SLC39A11: variants seen among roughly 807,000 people sequenced by gnomAD.
The protein encoded by SLC39A11 is zinc transporter ZIP11.
Under a neutral mutation model 36.1 loss-of-function variants are expected in SLC39A11, and 33 were observed. That is an observed-to-expected ratio of 0.91 (90% CI 0.69 to 1.22). The LOEUF is 1.22. Ranked by LOEUF, SLC39A11 falls within the 50% of genes most tolerant of loss-of-function variation. The probability of loss-of-function intolerance (pLI) is 0.00; values close to 1 mark genes in which losing one functional copy is unlikely to be tolerated. For synonymous variants in SLC39A11, 166 were observed against 170.3 expected (o/e 0.97, Z 0.20); for missense variants, 432 against 430.3 (o/e 1.00, Z -0.03).
intron 5 of SLC39A11, among the ~76,000 whole-genome samples, chr17:72,939,255 G>A (rs2084946712): frequency 6.6e-6 from 1 of 152,200 alleles, no homozygotes; most frequent in Non-Finnish European, 1.5e-5. Flanking sequence ...GAGGTCAGGA[G>A]TTCGAAACCA....
chr17:72,865,744 T>C (rs1646032546), intron 5 of SLC39A11, among the ~76,000 whole-genome samples: 1 of 151,308 alleles, frequency 6.6e-6, no homozygotes, highest in Non-Finnish European at 1.5e-5. Flanking sequence ...AGAACCTTTG[T>C]GTAATAGCTC....
At chr17:73,079,576 GA>G (rs2060447132) in intron 3 of SLC39A11, among the ~76,000 whole-genome samples, 3 of 152,240 alleles carry the variant, frequency 2.0e-5, no homozygotes, top group Admixed American at 1.3e-4. Context: ...TTCCCCCTGG[GA>G]AATGGAACAA....
chr17:72,806,450 C>G (rs10512590), intron 6 of SLC39A11, among the ~76,000 whole-genome samples: 8,422 of 152,228 alleles, frequency 0.055, 411 homozygotes, highest in East Asian at 0.14. Flanking sequence ...GAAGCTCTAA[C>G]GATAGCATTC....
chr17:72,804,071 C>T (rs2077179155), intron 6 of SLC39A11, among the ~76,000 whole-genome samples: 2 of 152,126 alleles, frequency 1.3e-5, no homozygotes, highest in South Asian at 4.1e-4. Flanking sequence ...TCTCCGCTCA[C>T]TGCAAGCTCC....
chr17:72,657,567 T>C (rs879885209), intron 7 of SLC39A11, among the ~76,000 whole-genome samples: 1 of 152,140 alleles, frequency 6.6e-6, no homozygotes, highest in Non-Finnish European at 1.5e-5. Flanking sequence ...CTGAATACAG[T>C]GTCCCTTTTG....
chr17:72,758,068 T>C (rs983693776), intron 6 of SLC39A11, among the ~76,000 whole-genome samples: 3 of 152,116 alleles, frequency 2.0e-5, no homozygotes, highest in Non-Finnish European at 4.4e-5. Flanking sequence ...ATATTTTTAG[T>C]AGAGACGGGG....
chr17:72,653,230 G>A (rs980138048), intron 7 of SLC39A11, among the ~76,000 whole-genome samples: 9 of 146,112 alleles, frequency 6.2e-5, no homozygotes, highest in African/African-American at 1.8e-4. Flanking sequence ...TCAGCCTCCC[G>A]AGTAGCTGGG....
intron 7 of SLC39A11, among the ~76,000 whole-genome samples, chr17:72,731,296 G>A (rs1429237432): frequency 6.6e-6 from 1 of 152,106 alleles, no homozygotes; most frequent in Non-Finnish European, 1.5e-5. Context: ...TAGAGAATCC[G>A]TCTCTGCCTC....
chr17:72,916,437 A>T (rs1036661364), intron 5 of SLC39A11, among the ~76,000 whole-genome samples: 11 of 150,348 alleles, frequency 7.3e-5, no homozygotes, highest in East Asian at 3.9e-4. Flanking sequence ...ATCAAAGTCC[A>T]TTGCACGCGG....
chr17:72,967,399 A>AGAGAGAGAGAGC, intron 4 of SLC39A11, among the ~76,000 whole-genome samples: 1 of 138,278 alleles, frequency 7.2e-6, no homozygotes, highest in East Asian at 2.3e-4. Context: ...AGAGAGAGAG[A>AGAGAGAGAGAGC]GTGTGTGTGT....
At position 72,677,248 on chromosome 17, in the gene SLC39A11, T is replaced by A. The variant is rs1598314582; in HGVS notation, c.672-27980A>T. On this transcript the variant is annotated intron_variant, in intron 7 of 9. Coordinates refer to ENST00000255559, the MANE Select transcript of SLC39A11 (RefSeq NM_139177.4). Reference sequence around the variant, plus strand: ...TGGGGTGGGAGTTGCAGGGCTGGGGTTGGAAGAGGCTAAGTACATAAAATC... The same window carrying A: ...TGGGGTGGGAGTTGCAGGGCTGGGGATGGAAGAGGCTAAGTACATAAAATC... 3.9e-5 allele frequency among the ~76,000 whole-genome samples: 6 copies of A among 152,106 alleles called. No homozygotes were observed. In the South Asian group the frequency reaches 1.0e-3, roughly 26 times the overall value.
intron 7 of SLC39A11, among the ~76,000 whole-genome samples, chr17:72,674,446 C>T (rs1465188539): frequency 1.3e-5 from 2 of 152,182 alleles, no homozygotes; most frequent in South Asian, 2.1e-4. Flanking sequence ...CACTCTCCCA[C>T]ATATGGGCAT....
chr17:72,975,013 T>C (rs1229567865), intron 4 of SLC39A11, among the ~76,000 whole-genome samples: 1 of 152,154 alleles, frequency 6.6e-6, no homozygotes, highest in Non-Finnish European at 1.5e-5. Flanking sequence ...CCATCTTTGT[T>C]TGGGTAAGTA....
chr17:72,651,617 C>T (rs922712432), intron 7 of SLC39A11, among the ~76,000 whole-genome samples: 1 of 152,198 alleles, frequency 6.6e-6, no homozygotes, highest in Non-Finnish European at 1.5e-5. Flanking sequence ...AAGCCCTGAG[C>T]TGACTTAGGA....
chr17:72,917,907 A>G (rs2083424346), intron 5 of SLC39A11, among the ~76,000 whole-genome samples: 1 of 152,204 alleles, frequency 6.6e-6, no homozygotes, highest in Non-Finnish European at 1.5e-5. Flanking sequence ...GTCTCTGATG[A>G]GGTGAGGGGT....
At chr17:72,825,339 G>A (rs1436009964) in intron 6 of SLC39A11, among the ~76,000 whole-genome samples, 1 of 152,230 alleles carries the variant, frequency 6.6e-6, no homozygotes, top group East Asian at 1.9e-4. Context: ...GTGTTCAGAA[G>A]GCAAGAGCTG....
intron 6 of SLC39A11, among the ~76,000 whole-genome samples, chr17:72,740,345 G>A (rs544324091): frequency 2.4e-4 from 36 of 152,154 alleles, no homozygotes; most frequent in Admixed American, 2.0e-3. Flanking sequence ...GATTACAGGC[G>A]TAAGCCACCG....
At chr17:73,061,609 T>C (rs2059841958) in intron 3 of SLC39A11, among the ~76,000 whole-genome samples, 2 of 152,190 alleles carry the variant, frequency 1.3e-5, no homozygotes, top group Admixed American at 6.5e-5. Context: ...AACTTGTACT[T>C]GAAAGGATGT....
chr17:72,707,048 A>C lies in SLC39A11; in HGVS notation c.671+29602T>G, dbSNP rs780929202. On this transcript the variant is annotated intron_variant, in intron 7 of 9. Coordinates refer to ENST00000255559, the MANE Select transcript of SLC39A11 (RefSeq NM_139177.4). ...CAAATTGAGATGTGCTGTAAATGTAAATATACAGTGGATTTTTGAGAGTTA... is the reference window on the plus strand; with the variant it reads ...CAAATTGAGATGTGCTGTAAATGTACATATACAGTGGATTTTTGAGAGTTA... Among the ~76,000 whole-genome samples, 81 of 152,192 alleles carry C rather than the reference A, an allele frequency of 5.3e-4. 1 individual carries two copies. Among genetic ancestry groups the C allele is most frequent in the Non-Finnish European group, 5.9e-5 (4 of 68,038 alleles).
Sources: gnomAD v4.1 joint callset for allele counts (sites outside exome capture counted in the v4.1 genomes callset) on GRCh38, gnomAD v4.1.1 for gene constraint, MANE v1.5 for transcripts, NCBI Gene and HGNC (gene_info 2026-07-23, HGNC 2026-07-21) for gene names.